Variants in MBOAT2 observed in about 807,000 individuals in gnomAD.
MBOAT2 encodes membrane-bound glycerophospholipid O-acyltransferase 2.
Under a neutral mutation model 63.4 loss-of-function variants are expected in MBOAT2, and 28 were observed. That is an observed-to-expected ratio of 0.44 (90% confidence interval 0.33 to 0.61). The LOEUF is 0.61. MBOAT2 is among the 20% of genes least tolerant of loss of function. The pLI, the probability that MBOAT2 is intolerant of heterozygous loss-of-function variation, is 0.03. For missense variants in MBOAT2, 470 were observed against 605.8 expected (o/e 0.78, Z 2.35); for synonymous variants, 211 against 215.6 (o/e 0.98, Z 0.19).
intron 3 of MBOAT2, among the ~76,000 whole-genome samples, chr2:8,922,458 G>A (rs1666645033): frequency 6.6e-6 from 1 of 152,126 alleles, no homozygotes; most frequent in African/African-American, 2.4e-5. Context: ...CTTGAGCACT[G>A]CTGTGCTGTT....
intron 8 of MBOAT2, among the ~76,000 whole-genome samples, chr2:8,872,380 C>T (rs1397732776): frequency 2.6e-5 from 4 of 152,294 alleles, no homozygotes; most frequent in South Asian, 4.1e-4. Flanking sequence ...TAGGCTCAAG[C>T]GGTCCTCTCA....
At chr2:8,994,019 G>A (rs1271373784) in intron 1 of MBOAT2, among the ~76,000 whole-genome samples, 2 of 152,132 alleles carry the variant, frequency 1.3e-5, no homozygotes, top group African/African-American at 4.8e-5. Context: ...TTATAGATGA[G>A]GAAACTGAAG....
intron 3 of MBOAT2, among the ~76,000 whole-genome samples, chr2:8,929,221 A>G (rs1056904898): frequency 6.6e-6 from 1 of 152,226 alleles, no homozygotes; most frequent in Admixed American, 6.5e-5. Flanking sequence ...AAAGAGGTAA[A>G]AATTACTGCT....
intron 3 of MBOAT2, among the ~76,000 whole-genome samples, chr2:8,922,522 G>A (rs1666648862): frequency 6.6e-6 from 1 of 152,196 alleles, no homozygotes; most frequent in Non-Finnish European, 1.5e-5. Context: ...CATGGTGAGA[G>A]CTGATGCAGC....
chr2:8,918,630 A>C (rs1666358581), intron 3 of MBOAT2, among the ~76,000 whole-genome samples: 1 of 152,222 alleles, frequency 6.6e-6, no homozygotes, highest in Non-Finnish European at 1.5e-5. Context: ...GTGCAATAGA[A>C]CAGGTGTGCC....
chr2:8,945,825 A>G (rs1389556287), intron 2 of MBOAT2, among the ~76,000 whole-genome samples: 3 of 152,098 alleles, frequency 2.0e-5, no homozygotes, highest in East Asian at 1.9e-4. Flanking sequence ...GTTTATTTTT[A>G]GAAAAAAAAA....
intron 2 of MBOAT2, among the ~76,000 whole-genome samples, chr2:8,956,586 A>C (rs1669241877): frequency 6.6e-6 from 1 of 152,144 alleles, no homozygotes; most frequent in Non-Finnish European, 1.5e-5. Flanking sequence ...CCAGCTGCCC[A>C]GGAGGCTGAG....
rs1416358823 is a variant in MBOAT2 at position 8,854,688 on chromosome 2, T to C, written c.*3991A>G. 6.6e-6 allele frequency: 1 copy of C among 152,220 alleles called. No homozygotes were observed. Among genetic ancestry groups the C allele is most frequent in the Non-Finnish European group, 1.5e-5 (1 of 68,032 alleles). 9.4% of individuals were successfully genotyped at this position (152,220 alleles called of 1,614,324 possible). ...AAATGTCCAGATTTGTTCATGAATA[T>C]ACAAACTAAATACTTACAAGGTATG... On this transcript the variant is annotated 3_prime_UTR_variant, in exon 13 of 13. Transcript: ENST00000305997.
intron 1 of MBOAT2, among the ~76,000 whole-genome samples, chr2:8,977,690 C>G (rs564416382): frequency 6.6e-6 from 1 of 152,120 alleles, no homozygotes; most frequent in South Asian, 2.1e-4. Context: ...GAACTTCAGA[C>G]ATTTATTCGG....
At chr2:8,960,095 G>A (rs930297394) in intron 1 of MBOAT2, among the ~76,000 whole-genome samples, 2 of 152,108 alleles carry the variant, frequency 1.3e-5, no homozygotes, top group East Asian at 1.9e-4. Context: ...AAAGCAAAAT[G>A]TCTTTCCAAA....
rs545868954 is a variant in MBOAT2, at chr2:8,861,465, GCCCGTA to G, written c.1186-707_1186-702del. Among the ~76,000 whole-genome samples the G allele has an allele frequency of 5.3e-5, 8 of 152,308 alleles. No individual in the cohort carries two copies. In the East Asian group the frequency reaches 1.5e-3, roughly 29 times the overall value. ...TAAGCGCAAGAATGGAATGCCAAAA[GCCCGTA>G]CCTCAGGACAAATGGATTTGTCATT... On this transcript the variant is annotated intron_variant, in intron 11 of 12. Coordinates refer to ENST00000305997, the MANE Select transcript of MBOAT2 (RefSeq NM_138799.4).
intron 8 of MBOAT2, among the ~76,000 whole-genome samples, chr2:8,870,232 T>C (rs755083506): frequency 1.3e-5 from 2 of 152,206 alleles, no homozygotes; most frequent in African/African-American, 4.8e-5. Context: ...AATCATTTTT[T>C]TGAGGTGATA....
chr2:8,885,773 A>G (rs1257794635), intron 5 of MBOAT2, among the ~76,000 whole-genome samples: 1 of 152,246 alleles, frequency 6.6e-6, no homozygotes, highest in East Asian at 1.9e-4. Context: ...CAAAGATAAA[A>G]TAACACCTGC....
intron 3 of MBOAT2, among the ~76,000 whole-genome samples, chr2:8,919,542 A>G (rs1387712825): frequency 6.6e-6 from 1 of 152,168 alleles, no homozygotes; most frequent in African/African-American, 2.4e-5. Context: ...ATGTGTAACT[A>G]GCAATTCTGT....
At chr2:8,999,839 T>C (rs7571497) in intron 1 of MBOAT2, among the ~76,000 whole-genome samples, 3,236 of 152,362 alleles carry the variant, frequency 0.021, 133 homozygotes, top group African/African-American at 0.073. Flanking sequence ...TGATAATAGA[T>C]TCTACATTTT....
intron 1 of MBOAT2, among the ~76,000 whole-genome samples, chr2:8,960,948 C>T (rs1176001867): frequency 3.3e-5 from 5 of 152,180 alleles, no homozygotes; most frequent in South Asian, 2.1e-4. Flanking sequence ...AAACGCACCG[C>T]GTGGCCAGGG....
At chr2:8,880,994 T>C (rs1663084449) in intron 6 of MBOAT2, among the ~76,000 whole-genome samples, 1 of 151,894 alleles carries the variant, frequency 6.6e-6, no homozygotes, top group Non-Finnish European at 1.5e-5. Context: ...AGTAATGGGG[T>C]GATGGCCAGA....
intron 2 of MBOAT2, 44 bp from the exon 3 acceptor site, chr2:8,943,308 C>T: frequency 8.3e-7 from 1 of 1,207,014 alleles, no homozygotes; most frequent in Non-Finnish European, 1.2e-6. Flanking sequence ...TGCCAAGTCA[C>T]AAACATCAAG....
chr2:8,998,298 C>A (rs189953357), intron 1 of MBOAT2, among the ~76,000 whole-genome samples: 1 of 152,276 alleles, frequency 6.6e-6, no homozygotes, highest in Non-Finnish European at 1.5e-5. Context: ...GACTAATGCT[C>A]ATTATGAGTG....
Sources: allele counts gnomAD v4.1 joint callset (sites outside exome capture counted in the v4.1 genomes callset), GRCh38; gene constraint gnomAD v4.1.1; transcripts MANE v1.5; gene names NCBI Gene and HGNC (gene_info 2026-07-23, HGNC 2026-07-21).